Variants in SOX6 observed in about 807,000 individuals in gnomAD.
SOX6 encodes the protein SRY-box transcription factor 6, also known as transcription factor SOX-6.
SOX6 carries 11 observed loss-of-function variants against 97.8 expected under a neutral mutation model. The observed-to-expected ratio is 0.11, with a 90% CI of 0.07 to 0.19. The LOEUF (loss-of-function observed/expected upper bound fraction) is 0.19, where lower values mean the gene tolerates loss of function less well. Among genes scored for constraint, SOX6 ranks in the 10% least tolerant of loss-of-function variants. SOX6 has a pLI of 1.00. For missense variants in SOX6, 810 were observed against 1,039.5 expected (o/e 0.78, Z 3.04); for synonymous variants, 360 against 371.4 (o/e 0.97, Z 0.35).
chr11:16,349,572 T>G (rs1047018900), intron 1 of SOX6, among the ~76,000 whole-genome samples: 5 of 151,018 alleles, frequency 3.3e-5, no homozygotes, highest in Non-Finnish European at 7.4e-5. Flanking sequence ...GCCAAGAGCG[T>G]GCCATTGCAC....
intron 12 of SOX6, among the ~76,000 whole-genome samples, chr11:16,022,584 T>C (rs1177558872): frequency 6.6e-6 from 1 of 152,064 alleles, no homozygotes; most frequent in Admixed American, 6.6e-5. Flanking sequence ...CTAACTTTTT[T>C]GTATTTTTAG....
chr11:16,333,576 A>T (rs766849549), intron 2 of SOX6, among the ~76,000 whole-genome samples: 3 of 151,960 alleles, frequency 2.0e-5, no homozygotes, highest in Non-Finnish European at 2.9e-5. Context: ...ATTAACCCTG[A>T]CCAACTTTAA....
At chr11:16,148,693 A>G (rs1230115668) in intron 6 of SOX6, among the ~76,000 whole-genome samples, 2 of 152,064 alleles carry the variant, frequency 1.3e-5, no homozygotes, top group Non-Finnish European at 2.9e-5. Context: ...CACGCACACT[A>G]AAAAATATTA....
chr11:16,077,652 T>C (rs958137544), intron 9 of SOX6, among the ~76,000 whole-genome samples: 2 of 152,326 alleles, frequency 1.3e-5, no homozygotes, highest in Non-Finnish European at 2.9e-5. Context: ...TCATGTTCTC[T>C]GCAGCAACAT....
rs572939729 is a variant in SOX6, at chr11:16,679,080, C to A, written n.429+35750G>T. Among the ~76,000 whole-genome samples, 88 of 152,328 alleles carry A rather than the reference C, an allele frequency of 5.8e-4. 1 individual carries two copies. In the South Asian group the frequency reaches 0.011, roughly 18 times the overall value. On this transcript the variant is annotated intron_variant and non_coding_transcript_variant, in intron 3 of 5. Transcript: ENST00000524520. ...ACAGCCTCTTTAGACTTAAATGTCC[C>A]TGTATGACAGCTCTGAAGAGAGCAG...
intron 9 of SOX6, among the ~76,000 whole-genome samples, chr11:16,066,557 G>GTACT (rs747837997): frequency 8.5e-5 from 13 of 152,138 alleles, no homozygotes; most frequent in Non-Finnish European, 1.5e-4. Context: ...ACACAGTGGA[G>GTACT]TACTATTCAG....
At chr11:16,007,093 T>G (rs1390500587) in intron 13 of SOX6, among the ~76,000 whole-genome samples, 1 of 152,084 alleles carries the variant, frequency 6.6e-6, no homozygotes, top group Non-Finnish European at 1.5e-5. Flanking sequence ...AGTCATGCAT[T>G]GCTTAATGAT....
At position 15,989,082 on chromosome 11, in the gene SOX6, T is replaced by G; in HGVS notation, c.1881A>C (p.Ala627=). The G allele has an allele frequency of 6.2e-7, 1 of 1,614,220 alleles. No homozygotes were observed. The highest frequency in any genetic ancestry group is 8.5e-7 in the Non-Finnish European group (1 of 1,180,010). Residue 627 remains alanine, a synonymous_variant, in exon 14 of 16, where the codon GCA becomes GCC. Transcript: ENST00000683767. ...TCTCATCCTTTGCCCAAACCATGAA[T>G]GCATTCATTGGTCGCTTAATGTGTG... ...SEPHIKRPMN[A]FMVWAKDERR... is the part of the protein sequence containing the mutation.
At chr11:16,347,235 G>C (rs1233793134) in intron 1 of SOX6, among the ~76,000 whole-genome samples, 1 of 152,050 alleles carries the variant, frequency 6.6e-6, no homozygotes, top group Non-Finnish European at 1.5e-5. Context: ...TGAGTATCTG[G>C]TTTCTTCCTG....
intron 1 of SOX6, chr11:16,402,688 A>G (rs768453380): frequency 6.2e-7 from 1 of 1,610,318 alleles, no homozygotes; most frequent in Non-Finnish European, 8.5e-7. Flanking sequence ...TCCTCCACCC[A>G]CTCCTGTTTC....
intron 1 of SOX6, among the ~76,000 whole-genome samples, chr11:16,424,409 A>T (rs1859082854): frequency 6.6e-6 from 1 of 152,200 alleles, no homozygotes; most frequent in Non-Finnish European, 1.5e-5. Flanking sequence ...TTAAGATAAC[A>T]AACTGAGACT....
At chr11:16,675,384 CA>C (rs1260742004) in intron 3 of SOX6, among the ~76,000 whole-genome samples, 1 of 152,150 alleles carries the variant, frequency 6.6e-6, no homozygotes, top group Non-Finnish European at 1.5e-5. Flanking sequence ...CTCCTGGCCT[CA>C]AGTGATCCTC....
chr11:16,323,364 T>C (rs1334659193), intron 2 of SOX6, among the ~76,000 whole-genome samples: 3 of 152,286 alleles, frequency 2.0e-5, no homozygotes, highest in African/African-American at 7.2e-5. Flanking sequence ...AAAGTAAATA[T>C]TAAAAACAAA....
At chr11:16,049,494 T>G (rs1364846030) in intron 11 of SOX6, among the ~76,000 whole-genome samples, 1 of 152,162 alleles carries the variant, frequency 6.6e-6, no homozygotes, top group East Asian at 1.9e-4. Context: ...TGACCATATA[T>G]AGAAGTTCCT....
chr11:16,619,921 TAA>T (rs1408878468), intron 3 of SOX6, among the ~76,000 whole-genome samples: 9 of 152,144 alleles, frequency 5.9e-5, no homozygotes, highest in African/African-American at 2.2e-4. Flanking sequence ...CAAATTATAA[TAA>T]AGAGTAAAAC....
intron 3 of SOX6, among the ~76,000 whole-genome samples, chr11:16,614,047 G>A (rs565103076): frequency 1.6e-4 from 24 of 152,320 alleles, no homozygotes; most frequent in African/African-American, 5.8e-4. Context: ...ACCAATAGCC[G>A]GGAATCGAGC....
At chr11:16,131,932 A>G (rs1849750687) in intron 6 of SOX6, among the ~76,000 whole-genome samples, 1 of 151,958 alleles carries the variant, frequency 6.6e-6, no homozygotes, top group Non-Finnish European at 1.5e-5. Flanking sequence ...ACTGCAGAGG[A>G]CACAAGGAAA....
chr11:16,043,734 C>T (rs1353956827), intron 12 of SOX6, among the ~76,000 whole-genome samples: 1 of 152,070 alleles, frequency 6.6e-6, no homozygotes, highest in Non-Finnish European at 1.5e-5. Context: ...AGCACAGATC[C>T]CCCCCTGCTT....
intron 4 of SOX6, among the ~76,000 whole-genome samples, chr11:16,222,914 T>C (rs1348433433): frequency 6.6e-6 from 1 of 152,110 alleles, no homozygotes; most frequent in East Asian, 1.9e-4. Context: ...TTTTTTAAAA[T>C]AATATTTTTT....
Sources: gnomAD v4.1 joint callset for allele counts (sites outside exome capture counted in the v4.1 genomes callset) on GRCh38, gnomAD v4.1.1 for gene constraint, MANE v1.5 for transcripts, NCBI Gene and HGNC (gene_info 2026-07-23, HGNC 2026-07-21) for gene names.